SEMA6D: variants seen among roughly 807,000 people sequenced by gnomAD.
The protein encoded by SEMA6D is semaphorin-6D.
Under a neutral mutation model 106.6 loss-of-function variants are expected in SEMA6D, and 35 were observed. The observed-to-expected ratio is 0.33, with a 90% CI of 0.25 to 0.44. The LOEUF (loss-of-function observed/expected upper bound fraction) is 0.44, where lower values mean the gene tolerates loss of function less well. Ranked by LOEUF, SEMA6D falls within the 20% of genes least tolerant of loss-of-function variation. SEMA6D has a pLI of 1.00. For missense variants in SEMA6D, 1,185 were observed against 1,345.9 expected (o/e 0.88, Z 1.87); for synonymous variants, 499 against 487.7 (o/e 1.02, Z -0.31).
chr15:47,216,733 A>G (rs1350504918), intron 1 of SEMA6D, among the ~76,000 whole-genome samples: 1 of 152,182 alleles, frequency 6.6e-6, no homozygotes, highest in East Asian at 1.9e-4. Flanking sequence ...AACAATTCAC[A>G]TAAGTTCAAA....
intron 3 of SEMA6D, among the ~76,000 whole-genome samples, chr15:47,483,919 C>G (rs1039275158): frequency 5.3e-5 from 8 of 152,100 alleles, no homozygotes; most frequent in African/African-American, 1.7e-4. Flanking sequence ...TGCTTCGTTT[C>G]TTTCATACCA....
chr15:47,640,893 G>A (rs1394629680), intron 4 of SEMA6D, among the ~76,000 whole-genome samples: 1 of 151,718 alleles, frequency 6.6e-6, no homozygotes, highest in African/African-American at 2.4e-5. Context: ...TGAACAGAAA[G>A]TGGTAATAAT....
chr15:47,380,863 C>G (rs753582673), intron 1 of SEMA6D, among the ~76,000 whole-genome samples: 7 of 152,084 alleles, frequency 4.6e-5, no homozygotes, highest in Non-Finnish European at 7.3e-5. Flanking sequence ...CAAAGATGAC[C>G]CTAGACTTAA....
At chr15:47,430,745 C>T (rs2041496539) in intron 2 of SEMA6D, among the ~76,000 whole-genome samples, 1 of 152,072 alleles carries the variant, frequency 6.6e-6, no homozygotes, top group Admixed American at 6.6e-5. Flanking sequence ...AAAGTCCAGG[C>T]GTCATCTCAT....
intron 1 of SEMA6D, among the ~76,000 whole-genome samples, chr15:47,344,006 G>A (rs890169176): frequency 6.6e-6 from 1 of 152,160 alleles, no homozygotes; most frequent in Non-Finnish European, 1.5e-5. Context: ...GGCCATCAGA[G>A]AAATGCAAAT....
At chr15:47,629,919 G>C (rs1566946080) in intron 4 of SEMA6D, among the ~76,000 whole-genome samples, 1 of 151,752 alleles carries the variant, frequency 6.6e-6, no homozygotes, top group Non-Finnish European at 1.5e-5. Context: ...CTTTGTGTAT[G>C]TATACCACAT....
At chr15:47,510,007 A>G (rs2044175842) in intron 3 of SEMA6D, among the ~76,000 whole-genome samples, 1 of 152,122 alleles carries the variant, frequency 6.6e-6, no homozygotes, top group Non-Finnish European at 1.5e-5. Context: ...CACCTTAGTG[A>G]TTATTATAAA....
At chr15:47,192,910 A>C (rs1894062378) in intron 1 of SEMA6D, among the ~76,000 whole-genome samples, 1 of 152,214 alleles carries the variant, frequency 6.6e-6, no homozygotes, top group African/African-American at 2.4e-5. Flanking sequence ...TCTCTTACCT[A>C]GTATATCCAA....
At chr15:47,208,505 G>T (rs556277353) in intron 1 of SEMA6D, among the ~76,000 whole-genome samples, 1 of 152,268 alleles carries the variant, frequency 6.6e-6, no homozygotes, top group South Asian at 2.1e-4. Context: ...GTGTTCAGCA[G>T]ATGGTAGTAA....
At chr15:47,321,386 T>C (rs953330581) in intron 1 of SEMA6D, among the ~76,000 whole-genome samples, 6 of 152,338 alleles carry the variant, frequency 3.9e-5, no homozygotes, top group African/African-American at 1.4e-4. Flanking sequence ...ACGTATTTCA[T>C]TGGCCATCCT....
At chr15:47,591,602 T>TA (rs1831142439) in intron 3 of SEMA6D, among the ~76,000 whole-genome samples, 1 of 152,172 alleles carries the variant, frequency 6.6e-6, no homozygotes, top group Admixed American at 6.5e-5. Flanking sequence ...GCTCAAAAGT[T>TA]ACACAGTGAG....
At chr15:47,346,304 A>G (rs2038042282) in intron 1 of SEMA6D, among the ~76,000 whole-genome samples, 1 of 152,178 alleles carries the variant, frequency 6.6e-6, no homozygotes, top group African/African-American at 2.4e-5. Flanking sequence ...TTGGAAGGCC[A>G]TGGAATAGTG....
chr15:47,282,811 C>T (rs2035188459), intron 1 of SEMA6D, among the ~76,000 whole-genome samples: 1 of 152,086 alleles, frequency 6.6e-6, no homozygotes, highest in Non-Finnish European at 1.5e-5. Flanking sequence ...TGACATCAGC[C>T]CCAAGGCTCA....
intron 1 of SEMA6D, among the ~76,000 whole-genome samples, chr15:47,227,984 TA>T (rs1464445012): frequency 7.2e-6 from 1 of 139,312 alleles, no homozygotes; most frequent in Non-Finnish European, 1.6e-5. Flanking sequence ...TTTATATATA[TA>T]AGATTCTTAT....
chr15:47,470,595 C>T (rs1291407615), intron 3 of SEMA6D: 1 of 152,012 alleles, frequency 6.6e-6, no homozygotes, highest in Admixed American at 6.6e-5. Context: ...TGGAATGATA[C>T]TGCTGTTTGA....
chr15:47,428,427 G>A (rs981105281), intron 2 of SEMA6D, among the ~76,000 whole-genome samples: 1 of 109,670 alleles, frequency 9.1e-6, no homozygotes, highest in Non-Finnish European at 2.0e-5. Context: ...AAGTTCTAAG[G>A]ATGGAGAGGT....
intron 1 of SEMA6D, among the ~76,000 whole-genome samples, chr15:47,214,634 G>A (rs956851616): frequency 5.3e-5 from 8 of 152,116 alleles, no homozygotes; most frequent in African/African-American, 1.4e-4. Flanking sequence ...GTTATGCCAC[G>A]TTAGAAATTC....
At chr15:47,382,832 ATCTTGGC>A (rs1367926103) in intron 1 of SEMA6D, among the ~76,000 whole-genome samples, 4 of 152,178 alleles carry the variant, frequency 2.6e-5, no homozygotes, top group African/African-American at 9.6e-5. Flanking sequence ...CAGTGGCATG[ATCTTGGC>A]TCACTGTAAC....
intron 1 of SEMA6D, among the ~76,000 whole-genome samples, chr15:47,252,154 T>A (rs1264566642): frequency 3.4e-5 from 5 of 145,470 alleles, no homozygotes; most frequent in Admixed American, 6.8e-5. Flanking sequence ...CCTGACCTCG[T>A]GATCCGCCCG....
Sources: gnomAD v4.1 joint callset for allele counts (sites outside exome capture counted in the v4.1 genomes callset) on GRCh38, gnomAD v4.1.1 for gene constraint, MANE v1.5 for transcripts, NCBI Gene and HGNC (gene_info 2026-07-23, HGNC 2026-07-21) for gene names.